FBXO34: variants seen among roughly 807,000 people sequenced by gnomAD.
FBXO34 encodes F-box only protein 34.
FBXO34 carries 12 observed loss-of-function variants against 24.5 expected under a neutral mutation model. The ratio of observed to expected loss-of-function variants is 0.49; its 90% CI spans 0.31 to 0.79. The LOEUF is 0.79. Ranked by LOEUF, FBXO34 falls within the 30% of genes least tolerant of loss-of-function variation. The pLI, the probability that FBXO34 is intolerant of heterozygous loss-of-function variation, is 0.04. For synonymous variants in FBXO34, 320 were observed against 311.9 expected (o/e 1.03, Z -0.27); for missense variants, 823 against 857.7 (o/e 0.96, Z 0.51).
At chr14:55,400,849 A>G in the FBXO34 span, among the ~76,000 whole-genome samples, 1 of 152,012 alleles carries the variant, frequency 6.6e-6, no homozygotes. Flanking sequence ...GGTTGCAGTG[A>G]GCTGAGATTA....
chr14:55,308,938 A>G (rs1422852642), intron 1 of FBXO34, among the ~76,000 whole-genome samples: 2 of 152,262 alleles, frequency 1.3e-5, no homozygotes, highest in Admixed American at 1.3e-4. Context: ...AACAGAAATC[A>G]CAGCTATTTT....
At chr14:55,379,265 G>C in the FBXO34 span, among the ~76,000 whole-genome samples, 1 of 152,158 alleles carries the variant, frequency 6.6e-6, no homozygotes, top group Non-Finnish European at 1.5e-5. Flanking sequence ...GCCGGGTGCA[G>C]TGGTTCATGC....
At chr14:55,429,076 A>T in the FBXO34 span, 1 of 1,399,254 alleles carries the variant, frequency 7.1e-7, no homozygotes, top group South Asian at 1.3e-5. Flanking sequence ...TTTATCTTTC[A>T]ATGTATACTA....
the FBXO34 span, among the ~76,000 whole-genome samples, chr14:55,404,886 G>A: frequency 1.3e-5 from 2 of 152,196 alleles, no homozygotes; most frequent in African/African-American, 4.8e-5. Flanking sequence ...CTGAGACTCA[G>A]TTTCCTCTGC....
intron 1 of FBXO34, among the ~76,000 whole-genome samples, chr14:55,296,122 A>G (rs968208878): frequency 2.6e-5 from 4 of 152,214 alleles, no homozygotes; most frequent in Admixed American, 2.6e-4. Flanking sequence ...CTTTTTTTTA[A>G]AGTTAACCAA....
intron 1 of FBXO34, among the ~76,000 whole-genome samples, chr14:55,315,176 G>A (rs967917532): frequency 1.1e-4 from 16 of 152,192 alleles, no homozygotes; most frequent in Admixed American, 8.5e-4. Context: ...TGTAGTAATT[G>A]TGACTACTTT....
the FBXO34 span, among the ~76,000 whole-genome samples, chr14:55,405,218 A>G: frequency 6.6e-6 from 1 of 152,234 alleles, no homozygotes; most frequent in African/African-American, 2.4e-5. Flanking sequence ...TTTACGGGCC[A>G]CAGTGGCTGA....
At chr14:55,372,690 C>G (rs573524828), downstream of FBXO34, among the ~76,000 whole-genome samples, 4 of 151,904 alleles carry the variant, frequency 2.6e-5, no homozygotes, top group Admixed American at 2.6e-4. Context: ...CCCTTCCTTC[C>G]TTCCTTCCTT....
At chr14:55,389,783 A>G in the FBXO34 span, among the ~76,000 whole-genome samples, 1 of 152,236 alleles carries the variant, frequency 6.6e-6, no homozygotes, top group African/African-American at 2.4e-5. Flanking sequence ...ATGTAATAGA[A>G]ATGTATATGA....
chr14:55,414,054 C>A, the FBXO34 span: 2 of 551,434 alleles, frequency 3.6e-6, no homozygotes, highest in South Asian at 1.4e-5. Flanking sequence ...CCTTTGTGTT[C>A]GTCATTTTGG....
chr14:55,322,218 G>C (rs1358787737), intron 1 of FBXO34, among the ~76,000 whole-genome samples: 1 of 150,972 alleles, frequency 6.6e-6, no homozygotes, highest in Non-Finnish European at 1.5e-5. Context: ...GCTGAGGCAA[G>C]AGAATGGCGT....
Position 55,351,169 on chromosome 14 carries a change from A to T in FBXO34, c.779A>T (p.Glu260Val). 1.9e-6 allele frequency: 3 copies of T among 1,614,206 alleles called. No homozygotes were observed. The highest frequency in any genetic ancestry group is 1.7e-6 in the Non-Finnish European group (2 of 1,180,034). ...ESYSAPGACEEPTERGNLEVG... is the reference protein window; with the variant it reads ...ESYSAPGACEVPTERGNLEVG... The stretch of plus-strand genomic sequence containing the variant: ...TATTCTGCCCCAGGAGCTTGTGAAG[A>T]ACCCACAGAAAGGGGAAATCTTGAG... Residue 260 changes from glutamate (E) to valine (V), a missense_variant, in exon 2 of 2, where the codon GAA becomes GTA. By Grantham distance (121) the Glu-to-Val change is moderately radical. Around this residue, in one of 2 missense-constraint regions of FBXO34, gnomAD observed 693 missense variants for 659.1 expected, o/e 1.05. Coordinates refer to ENST00000313833, the MANE Select transcript of FBXO34 (RefSeq NM_017943.4).
At chr14:55,440,155 T>C in the FBXO34 span, among the ~76,000 whole-genome samples, 3 of 151,968 alleles carry the variant, frequency 2.0e-5, no homozygotes, top group Non-Finnish European at 4.4e-5. Context: ...GGAAGGGCCA[T>C]GTAATCTGGT....
chr14:55,440,435 C>T, the FBXO34 span: 4 of 1,613,062 alleles, frequency 2.5e-6, no homozygotes, highest in Middle Eastern at 1.7e-4. Context: ...CCAGGTAGGT[C>T]TCCTCCTGCT....
intron 1 of FBXO34, among the ~76,000 whole-genome samples, chr14:55,348,392 C>A (rs1884229682): frequency 6.6e-6 from 1 of 152,016 alleles, no homozygotes; most frequent in Non-Finnish European, 1.5e-5. Context: ...TCACACCTGG[C>A]TAATTAAAAA....
At chr14:55,411,752 C>G in the FBXO34 span, 2 of 1,608,374 alleles carry the variant, frequency 1.2e-6, no homozygotes, top group Non-Finnish European at 1.7e-6. Context: ...CACCAGGTCC[C>G]GGGCGAGCGG....
chr14:55,287,429 A>G (rs973100119), intron 1 of FBXO34, among the ~76,000 whole-genome samples: 5 of 152,202 alleles, frequency 3.3e-5, no homozygotes, highest in South Asian at 2.1e-4. Flanking sequence ...ACACATAAGT[A>G]TAAGAAAAAA....
At chr14:55,384,924 G>C in the FBXO34 span, among the ~76,000 whole-genome samples, 2 of 152,180 alleles carry the variant, frequency 1.3e-5, no homozygotes, top group South Asian at 2.1e-4. Context: ...GAGGTTGGAG[G>C]GGTGCCCTCT....
the FBXO34 span, among the ~76,000 whole-genome samples, chr14:55,417,376 A>G: frequency 6.6e-6 from 1 of 151,082 alleles, no homozygotes; most frequent in East Asian, 1.9e-4. Context: ...AATTGGCTCC[A>G]TAGTCCTATT....
Sources: gnomAD v4.1 joint callset for allele counts (sites outside exome capture counted in the v4.1 genomes callset) on GRCh38, gnomAD v4.1.1 for gene constraint, gnomAD v4.1.1 regional missense constraint, MANE v1.5 for transcripts, NCBI Gene and HGNC (gene_info 2026-07-23, HGNC 2026-07-21) for gene names.